Variants in WWOX observed in about 807,000 individuals in gnomAD.
The protein encoded by WWOX is WW domain-containing oxidoreductase.
A neutral mutation model predicts 46.2 loss-of-function variants in WWOX; 69 were observed. The observed-to-expected ratio is 1.49, with a 90% confidence interval of 1.23 to 1.82. WWOX has a LOEUF of 1.82. Ranked by LOEUF, WWOX falls within the 40% of genes most tolerant of loss-of-function variation. The pLI is 0.00. For missense variants in WWOX, 919 were observed against 542.6 expected (o/e 1.69, Z -6.89); for synonymous variants, 359 against 202.6 (o/e 1.77, Z -6.56).
intron 8 of WWOX, chr16:78,551,850 C>G (rs117792755): frequency 0.031 from 4,735 of 152,324 alleles, 123 homozygotes; most frequent in Non-Finnish European, 0.049. Context: ...CCACTTTCAG[C>G]TTTCCCGTTC....
At chr16:78,751,904 A>T (rs931269526) in intron 8 of WWOX, among the ~76,000 whole-genome samples, 1 of 152,176 alleles carries the variant, frequency 6.6e-6, no homozygotes, top group East Asian at 1.9e-4. Context: ...CAGAGTGGTC[A>T]CCCAGATGAA....
intron 8 of WWOX, among the ~76,000 whole-genome samples, chr16:79,189,802 G>C (rs908214572): frequency 1.3e-5 from 2 of 151,600 alleles, no homozygotes; most frequent in East Asian, 2.0e-4. Context: ...CGGTGGGAGG[G>C]GGGGGATATT....
intron 8 of WWOX, among the ~76,000 whole-genome samples, chr16:78,920,615 A>C (rs539752880): frequency 6.6e-6 from 1 of 152,282 alleles, no homozygotes; most frequent in East Asian, 1.9e-4. Context: ...CTCAGAGTGC[A>C]AAGAACATCC....
chr16:79,035,072 C>T (rs1050263274), intron 8 of WWOX, among the ~76,000 whole-genome samples: 2 of 152,108 alleles, frequency 1.3e-5, no homozygotes, highest in African/African-American at 4.8e-5. Flanking sequence ...CTCTAATATC[C>T]AGTAAAGTGA....
chr16:79,032,410 A>C (rs921920645), intron 8 of WWOX, among the ~76,000 whole-genome samples: 2 of 147,048 alleles, frequency 1.4e-5, no homozygotes, highest in Non-Finnish European at 1.5e-5. Flanking sequence ...TGTAGGGAAT[A>C]TGTTACATAT....
chr16:79,092,385 A>G (rs958953250), intron 8 of WWOX, among the ~76,000 whole-genome samples: 1 of 152,192 alleles, frequency 6.6e-6, no homozygotes, highest in Non-Finnish European at 1.5e-5. Context: ...GGTCTTTAAT[A>G]TTAATAAAGC....
At chr16:78,594,805 T>C (rs1597321931) in intron 8 of WWOX, among the ~76,000 whole-genome samples, 1 of 152,300 alleles carries the variant, frequency 6.6e-6, no homozygotes, top group East Asian at 1.9e-4. Flanking sequence ...AGCCTCAGTC[T>C]CTCGGGATGT....
chr16:78,732,650 G>A (rs1402059089), intron 8 of WWOX, among the ~76,000 whole-genome samples: 1 of 152,062 alleles, frequency 6.6e-6, no homozygotes, highest in Non-Finnish European at 1.5e-5. Context: ...AATTAAAACT[G>A]TATACTTAAC....
At chr16:78,240,571 C>T (rs1359612668) in intron 5 of WWOX, among the ~76,000 whole-genome samples, 8 of 152,136 alleles carry the variant, frequency 5.3e-5, no homozygotes, top group East Asian at 1.9e-4. Flanking sequence ...TGTGCTGATA[C>T]GCTAGGGCAG....
At chr16:78,642,275 G>A (rs2046737753) in intron 8 of WWOX, among the ~76,000 whole-genome samples, 1 of 152,224 alleles carries the variant, frequency 6.6e-6, no homozygotes, top group South Asian at 2.1e-4. Flanking sequence ...GGTGGAGAAT[G>A]TAGGGAGGAG....
intron 8 of WWOX, among the ~76,000 whole-genome samples, chr16:79,041,772 G>A (rs1341556586): frequency 6.6e-6 from 1 of 152,300 alleles, no homozygotes; most frequent in East Asian, 1.9e-4. Flanking sequence ...TTACACTTTT[G>A]TTTTTTCATT....
At chr16:79,011,056 A>G (rs1392920353) in intron 8 of WWOX, among the ~76,000 whole-genome samples, 1 of 152,136 alleles carries the variant, frequency 6.6e-6, no homozygotes, top group East Asian at 1.9e-4. Flanking sequence ...ATATAAATAT[A>G]TGATAAGTAT....
intron 8 of WWOX, among the ~76,000 whole-genome samples, chr16:78,937,962 G>A (rs534528496): frequency 6.6e-6 from 1 of 152,156 alleles, no homozygotes; most frequent in Non-Finnish European, 1.5e-5. Flanking sequence ...TCTGTGTTCA[G>A]TGTTTTCTTA....
At chr16:78,641,617 C>G (rs895416668) in intron 8 of WWOX, among the ~76,000 whole-genome samples, 5 of 152,268 alleles carry the variant, frequency 3.3e-5, no homozygotes, top group South Asian at 2.1e-4. Context: ...CATCTGTTTT[C>G]CTGCAGATGC....
intron 8 of WWOX, among the ~76,000 whole-genome samples, chr16:79,100,328 T>G (rs73575168): frequency 0.11 from 17,250 of 152,158 alleles, 1,230 homozygotes; most frequent in African/African-American, 0.2. Flanking sequence ...TCCTAAAACA[T>G]AAGATTATTT....
intron 8 of WWOX, chr16:79,203,830 G>C (rs1363888596): frequency 6.7e-6 from 1 of 149,486 alleles, no homozygotes; most frequent in East Asian, 2.0e-4. Flanking sequence ...GGTGTAGATG[G>C]CGAATACAGA....
At chr16:78,285,808 G>A (rs985626228) in intron 5 of WWOX, among the ~76,000 whole-genome samples, 1 of 152,162 alleles carries the variant, frequency 6.6e-6, no homozygotes, top group Non-Finnish European at 1.5e-5. Flanking sequence ...TGTCAGGCCT[G>A]TAATGTTCCT....
At chr16:78,839,610 T>C (rs372633052) in intron 8 of WWOX, among the ~76,000 whole-genome samples, 5 of 152,176 alleles carry the variant, frequency 3.3e-5, no homozygotes, top group Non-Finnish European at 5.9e-5. Flanking sequence ...TCAGCACATA[T>C]TTATTTTCTC....
intron 8 of WWOX, among the ~76,000 whole-genome samples, chr16:78,653,821 A>G (rs2047020542): frequency 6.6e-6 from 1 of 152,212 alleles, no homozygotes. Context: ...TGATGGCCAA[A>G]ACCACAGTAA....
Sources: allele counts gnomAD v4.1 joint callset (sites outside exome capture counted in the v4.1 genomes callset), GRCh38; gene constraint gnomAD v4.1.1; transcripts MANE v1.5; gene names NCBI Gene and HGNC (gene_info 2026-07-23, HGNC 2026-07-21).